Variants in ELP3 observed in about 807,000 individuals in gnomAD.
The protein encoded by ELP3 is elongator complex protein 3.
In ELP3, 56 loss-of-function variants were observed where a neutral mutation model predicts 74.9. The ratio of observed to expected loss-of-function variants is 0.75; its 90% CI spans 0.60 to 0.93. The LOEUF is 0.93. ELP3 is among the 40% of genes least tolerant of loss of function. ELP3 has a pLI of 0.00. For missense variants in ELP3, 573 were observed against 686.5 expected, an observed-to-expected ratio of 0.83 and a Z score of 1.85; for synonymous variants, 222 against 239.8, an observed-to-expected ratio of 0.93 and a Z score of 0.68.
Position 28,133,426 on chromosome 8 carries a change from T to C in ELP3, c.906+1022T>C, listed in dbSNP as rs866690287. On this transcript the variant is annotated intron_variant, in intron 9 of 14. Coordinates refer to ENST00000256398, the MANE Select transcript of ELP3 (RefSeq NM_018091.6). The stretch of plus-strand genomic sequence containing the variant: ...GCTTCCATTAAGTCGATCTTTTTTT[T>C]CCTTTTTTTTTTTTTTCTTCAAATG... Among the ~76,000 whole-genome samples the C allele has an allele frequency of 8.5e-3, 944 of 110,574 alleles. 6 individuals carry two copies. The highest frequency in any genetic ancestry group is 0.035 in the African/African-American group (803 of 23,068). 72.5% of individuals were successfully genotyped at this position (110,574 alleles called of 152,430 possible). A position where few individuals can be genotyped will look rare whatever the true frequency, so the allele number is the denominator to read the frequency against.
chr8:28,161,451 G>A (rs1413409808), intron 13 of ELP3, among the ~76,000 whole-genome samples: 2 of 152,068 alleles, frequency 1.3e-5, no homozygotes, highest in Non-Finnish European at 2.9e-5. Context: ...GCACGTGCCT[G>A]TAGTCACAGC....
At chr8:28,102,873 A>G (rs1369186254) in intron 3 of ELP3, among the ~76,000 whole-genome samples, 4 of 152,146 alleles carry the variant, frequency 2.6e-5, no homozygotes, top group African/African-American at 9.7e-5. Flanking sequence ...CACTACCCTA[A>G]AATCTCCTAT....
chr8:28,118,896 C>G (rs1293115253), intron 7 of ELP3: 1 of 152,060 alleles, frequency 6.6e-6, no homozygotes, highest in Admixed American at 6.6e-5. Context: ...CCCCCACGCC[C>G]CATTAATGAC....
Position 28,113,125 on chromosome 8 carries a change from A to T in ELP3, c.569A>T (p.His190Leu), listed in dbSNP as rs764963190. 6.2e-7 allele frequency: 1 copy of T among 1,614,002 alleles called. No homozygotes were observed. Among genetic ancestry groups the T allele is most frequent in the Admixed American group, 1.7e-5 (1 of 60,000 alleles). ...AGAGATTATTTTATTCGAAATTTAC[A>T]TGATGCCTTATCAGGACATACTTCC... Reference protein sequence around the residue: ...EYRDYFIRNLHDALSGHTSNN... With the variant: ...EYRDYFIRNLLDALSGHTSNN... The change falls in exon 7 of 15, where the codon CAT becomes CTT. Residue 190 changes from histidine (H) to leucine (L), a missense_variant. By Grantham distance (99) the His-to-Leu change is moderately conservative (BLOSUM62 -3). Transcript: ENST00000256398.
chr8:28,175,575 G>A (rs1379227785), intron 14 of ELP3, among the ~76,000 whole-genome samples: 2 of 152,006 alleles, frequency 1.3e-5, no homozygotes, highest in Non-Finnish European at 2.9e-5. Flanking sequence ...ATTTAATACA[G>A]TTGATTTAAT....
intron 14 of ELP3, among the ~76,000 whole-genome samples, chr8:28,172,190 CT>C (rs964244909): frequency 6.6e-6 from 1 of 152,012 alleles, no homozygotes; most frequent in African/African-American, 2.4e-5. Context: ...GCAAAAGCCA[CT>C]ATTGGGATTT....
chr8:28,129,707 T>G, intron 8 of ELP3, 44 bp downstream of exon 8: 1 of 1,609,480 alleles, frequency 6.2e-7, no homozygotes, highest in African/African-American at 1.3e-5. Flanking sequence ...TCCTCCAAGT[T>G]CACCATTTTC....
chr8:28,136,826 A>G (rs1026988922), intron 9 of ELP3, among the ~76,000 whole-genome samples: 1 of 152,254 alleles, frequency 6.6e-6, no homozygotes, highest in Non-Finnish European at 1.5e-5. Flanking sequence ...TCTCCAAAAT[A>G]TATTATGCAA....
intron 7 of ELP3, among the ~76,000 whole-genome samples, chr8:28,116,285 G>C (rs909978755): frequency 6.6e-6 from 1 of 152,242 alleles, no homozygotes; most frequent in African/African-American, 2.4e-5. Context: ...AGCTGGGAGA[G>C]TTTGTGTGGA....
intron 14 of ELP3, among the ~76,000 whole-genome samples, chr8:28,183,531 C>A (rs116943040): frequency 0.02 from 3,015 of 152,260 alleles, 47 homozygotes; most frequent in Non-Finnish European, 0.031. Context: ...TCAAGCAATT[C>A]TCACCCCTCA....
At chr8:28,093,033 C>T (rs974409934), upstream of ELP3, 1 of 982,008 alleles carries the variant, frequency 1.0e-6, no homozygotes. Context: ...GCCTGCTACC[C>T]TGTTAGTTGC....
In ELP3 at chr8:28,097,134, C is replaced by T. The variant is rs10282902; in HGVS notation, c.20-85C>T. 5,955 of 846,048 alleles carry T rather than the reference C, an allele frequency of 7.0e-3. 267 individuals carry two copies. In the African/African-American group the frequency reaches 0.089, roughly 13 times the overall value. 52.4% of individuals were successfully genotyped at this position (846,048 alleles called of 1,614,324 possible). ...TTCATTTGGCATATTTGTATGGTTTCGGATGGAAAACTGCTACTAAATCAG... is the reference window on the plus strand; with the variant it reads ...TTCATTTGGCATATTTGTATGGTTTTGGATGGAAAACTGCTACTAAATCAG... On this transcript the variant is annotated intron_variant, in intron 1 of 14. Coordinates refer to ENST00000256398, the MANE Select transcript of ELP3 (RefSeq NM_018091.6).
intron 3 of ELP3, among the ~76,000 whole-genome samples, chr8:28,104,341 C>T (rs1349013225): frequency 6.6e-6 from 1 of 152,128 alleles, no homozygotes; most frequent in African/African-American, 2.4e-5. Flanking sequence ...TAAATATAGA[C>T]AATTAGGTCC....
chr8:28,159,895 G>A (rs1274565417), intron 12 of ELP3, among the ~76,000 whole-genome samples: 4 of 152,310 alleles, frequency 2.6e-5, no homozygotes, highest in East Asian at 3.9e-4. Flanking sequence ...CGCATGAGAC[G>A]TGATTTTGAA....
At chr8:28,106,826 AAGCTAAATATGCCCCCT>A in intron 4 of ELP3, 43 bp downstream of exon 4, 1 of 1,492,474 alleles carries the variant, frequency 6.7e-7, no homozygotes, top group South Asian at 1.1e-5. Flanking sequence ...TGTTTTAATT[AAGCTAAATATGCCCCCT>A]CTAGCCCTTA....
At chr8:28,157,114 A>C (rs1813859303) in intron 11 of ELP3, among the ~76,000 whole-genome samples, 1 of 152,118 alleles carries the variant, frequency 6.6e-6, no homozygotes, top group Non-Finnish European at 1.5e-5. Context: ...CTCGTTATCC[A>C]TCCATCTTCT....
At chr8:28,175,903 C>T (rs1301975786) in intron 14 of ELP3, among the ~76,000 whole-genome samples, 1 of 150,966 alleles carries the variant, frequency 6.6e-6, no homozygotes, top group Non-Finnish European at 1.5e-5. Flanking sequence ...CAACCTCCGC[C>T]TCGCGGTTTC....
At chr8:28,120,688 A>AAGAT (rs1386634815) in intron 7 of ELP3, among the ~76,000 whole-genome samples, 9 of 152,196 alleles carry the variant, frequency 5.9e-5, no homozygotes, top group Non-Finnish European at 1.3e-4. Context: ...TTTCACTTAC[A>AAGAT]GGTTTATGTT....
At chr8:28,136,959 C>T (rs1813013739) in intron 9 of ELP3, among the ~76,000 whole-genome samples, 1 of 152,182 alleles carries the variant, frequency 6.6e-6, no homozygotes, top group South Asian at 2.1e-4. Context: ...TAAGAAATGA[C>T]TTGCCAAAAG....
Sources: gnomAD v4.1 joint callset for allele counts (sites outside exome capture counted in the v4.1 genomes callset) on GRCh38, gnomAD v4.1.1 for gene constraint, MANE v1.5 for transcripts, NCBI Gene and HGNC (gene_info 2026-07-23, HGNC 2026-07-21) for gene names.